SCAMP1: variants seen among roughly 807,000 people sequenced by gnomAD.
SCAMP1 encodes secretory carrier membrane protein 1, also known as secretory carrier-associated membrane protein 1.
In SCAMP1, 15 loss-of-function variants were observed where a neutral mutation model predicts 41.8. That is an observed-to-expected ratio of 0.36 (90% CI 0.24 to 0.55). The LOEUF (loss-of-function observed/expected upper bound fraction) is 0.55, where lower values mean the gene tolerates loss of function less well. SCAMP1 is among the 20% of genes least tolerant of loss of function. The probability of loss-of-function intolerance (pLI) is 0.86; values close to 1 mark genes in which losing one functional copy is unlikely to be tolerated. For synonymous variants in SCAMP1, 135 were observed against 136.8 expected (o/e 0.99, Z 0.09); for missense variants, 341 against 412.6 (o/e 0.83, Z 1.50).
chr5:78,410,190 A>T (rs1752040338), intron 2 of SCAMP1, among the ~76,000 whole-genome samples: 1 of 151,538 alleles, frequency 6.6e-6, no homozygotes, highest in Non-Finnish European at 1.5e-5. Context: ...ACATAGGCAA[A>T]CGTGTGCCAT....
intron 1 of SCAMP1, among the ~76,000 whole-genome samples, chr5:78,382,364 T>TTA (rs1302015771): frequency 5.9e-5 from 9 of 152,214 alleles, no homozygotes; most frequent in Middle Eastern, 3.4e-3. Flanking sequence ...GAGATATTCA[T>TTA]TATATGTATA....
chr5:78,475,462 A>G (rs369440274), intron 8 of SCAMP1, 42 bp from the exon 9 acceptor site: 5 of 1,449,746 alleles, frequency 3.4e-6, no homozygotes, highest in Non-Finnish European at 4.6e-6. Context: ...ATGAATGCGT[A>G]GGTTGCTACT....
rs1554047061 is a variant in SCAMP1 at position 78,460,794 on chromosome 5, T to TTTGGTTTCTTTTC, written c.852+1433_852+1434insTGGTTTCTTTTCT. Reference sequence around the variant, plus strand: ...CTTCCTTCCTTCCTTCCTTCCTTCCTTCCTTCCTTCCTCCCTTCCTTCCTT... The same window carrying TTTGGTTTCTTTTC: ...CTTCCTTCCTTCCTTCCTTCCTTCCTTTGGTTTCTTTTCTCCTTCCTTCCTCCCTTCCTTCCTT... On this transcript the variant is annotated intron_variant, in intron 8 of 8. Transcript: ENST00000621999. 6.9e-3 allele frequency among the ~76,000 whole-genome samples: 342 copies of TTTGGTTTCTTTTC among 49,854 alleles called. 10 individuals are homozygous for TTTGGTTTCTTTTC. Among genetic ancestry groups the TTTGGTTTCTTTTC allele is most frequent in the African/African-American group, 0.035 (309 of 8,718 alleles). The allele number at this position is 49,854 out of a possible 152,430, so 32.7% of individuals were successfully genotyped here.
At chr5:78,363,489 G>C (rs1173034490) in intron 1 of SCAMP1, among the ~76,000 whole-genome samples, 1 of 152,232 alleles carries the variant, frequency 6.6e-6, no homozygotes, top group Non-Finnish European at 1.5e-5. Flanking sequence ...GATTACAGGC[G>C]TGAACCACTG....
rs1348008155 is a variant in SCAMP1 at position 78,391,655 on chromosome 5, C to T, written c.135+2741C>T. Among the ~76,000 whole-genome samples the T allele has an allele frequency of 1.6e-4, 25 of 152,298 alleles. 1 individual carries two copies. Among genetic ancestry groups the T allele is most frequent in the Admixed American group, 1.2e-3 (19 of 15,300 alleles). On this transcript the variant is annotated intron_variant, in intron 2 of 8. Coordinates refer to ENST00000621999, the MANE Select transcript of SCAMP1 (RefSeq NM_004866.6). ...CGGCACTTTGGGAGGCCAAGGCAGGCGGCTGGGAGGTGGAGGTTGTAGCGA... is the reference window on the plus strand; with the variant it reads ...CGGCACTTTGGGAGGCCAAGGCAGGTGGCTGGGAGGTGGAGGTTGTAGCGA...
intron 8 of SCAMP1, among the ~76,000 whole-genome samples, chr5:78,470,788 C>G (rs573995628): frequency 3.1e-4 from 47 of 152,276 alleles, no homozygotes; most frequent in African/African-American, 1.0e-3. Flanking sequence ...CCAGCACTTT[C>G]TCTACATCCT....
At chr5:78,362,168 G>A in intron 1 of SCAMP1, among the ~76,000 whole-genome samples, 1 of 152,114 alleles carries the variant, frequency 6.6e-6, no homozygotes, top group East Asian at 1.9e-4. Context: ...TTCTTAAATG[G>A]TAGACTTTCT....
chr5:78,462,257 T>C (rs917312005), intron 8 of SCAMP1, among the ~76,000 whole-genome samples: 1 of 151,718 alleles, frequency 6.6e-6, no homozygotes, highest in Non-Finnish European at 1.5e-5. Context: ...GGTTCTTTAT[T>C]TGGTTCTCAG....
chr5:78,388,025 G>A (rs1038228297), intron 1 of SCAMP1, among the ~76,000 whole-genome samples: 5 of 152,212 alleles, frequency 3.3e-5, no homozygotes, highest in African/African-American at 4.8e-5. Context: ...TGTCTTCGGC[G>A]TTCCTCGGCT....
intron 2 of SCAMP1, among the ~76,000 whole-genome samples, chr5:78,397,084 G>C (rs919773139): frequency 6.6e-6 from 1 of 152,102 alleles, no homozygotes; most frequent in African/African-American, 2.4e-5. Context: ...AGGAGGTTAA[G>C]ATAAAGTTTT....
rs1254773705 is a variant in SCAMP1, at chr5:78,479,745, T to C, written c.*4077T>C. ...TTGGGGTTTGGGTAAGACAAACATT[T>C]AATGTATAGGATTTTGGCCAGGTGT... On this transcript the variant is annotated 3_prime_UTR_variant, in exon 9 of 9. Coordinates refer to ENST00000621999, the MANE Select transcript of SCAMP1 (RefSeq NM_004866.6). Among the ~76,000 whole-genome samples, 1 of 152,180 alleles carries C rather than the reference T, an allele frequency of 6.6e-6. No homozygotes were observed. Among genetic ancestry groups the C allele is most frequent in the African/African-American group, 2.4e-5 (1 of 41,448 alleles).
intron 8 of SCAMP1, among the ~76,000 whole-genome samples, chr5:78,463,278 C>G (rs1042065164): frequency 6.6e-6 from 1 of 152,218 alleles, no homozygotes; most frequent in Admixed American, 6.5e-5. Flanking sequence ...CAATGATGTT[C>G]TAATTCTCTT....
chr5:78,366,893 G>C (rs1338941847), intron 1 of SCAMP1, among the ~76,000 whole-genome samples: 3 of 150,000 alleles, frequency 2.0e-5, no homozygotes, highest in South Asian at 4.2e-4. Flanking sequence ...GGCTGAGGCG[G>C]GAGGGTGACA....
At chr5:78,455,934 T>G (rs1753385965) in intron 7 of SCAMP1, among the ~76,000 whole-genome samples, 1 of 39,468 alleles carries the variant, frequency 2.5e-5, no homozygotes, top group African/African-American at 1.5e-4. Context: ...TTTACCATTA[T>G]GTAATGGCCT....
intron 6 of SCAMP1, among the ~76,000 whole-genome samples, chr5:78,424,839 A>G (rs113524757): frequency 6.6e-5 from 10 of 152,234 alleles, no homozygotes; most frequent in African/African-American, 2.2e-4. Flanking sequence ...ACAAGGCAGC[A>G]TTATTGTTGA....
intron 5 of SCAMP1, among the ~76,000 whole-genome samples, chr5:78,420,579 G>C (rs1752316988): frequency 6.6e-6 from 1 of 152,156 alleles, no homozygotes; most frequent in Non-Finnish European, 1.5e-5. Context: ...TGATAGAATT[G>C]AATGGGATTT....
chr5:78,396,586 C>T (rs1751656858), intron 2 of SCAMP1, among the ~76,000 whole-genome samples: 1 of 152,082 alleles, frequency 6.6e-6, no homozygotes, highest in African/African-American at 2.4e-5. Context: ...GGAAGATATA[C>T]ATGTGGGAAT....
intron 1 of SCAMP1, among the ~76,000 whole-genome samples, chr5:78,379,954 T>A (rs891942846): frequency 5.3e-5 from 8 of 152,208 alleles, no homozygotes; most frequent in African/African-American, 1.7e-4. Context: ...CAATGTAAAA[T>A]TAAGTCTAGC....
intron 1 of SCAMP1, chr5:78,360,969 C>T (rs1750630213): frequency 1.9e-6 from 1 of 523,066 alleles, no homozygotes; most frequent in Non-Finnish European, 3.4e-6. Flanking sequence ...ACGTCCCCGA[C>T]TGGTGAGGGT....
Sources: allele counts gnomAD v4.1 joint callset (sites outside exome capture counted in the v4.1 genomes callset), GRCh38; gene constraint gnomAD v4.1.1; transcripts MANE v1.5; gene names NCBI Gene and HGNC (gene_info 2026-07-23, HGNC 2026-07-21).